The following TRPA1 variants were observed in gnomAD, a reference collection of about 807,000 sequenced individuals.
TRPA1 encodes the protein ankyrin-like with transmembrane domains 1.
TRPA1 carries 129 observed loss-of-function variants against 131.3 expected under a neutral mutation model. The ratio of observed to expected loss-of-function variants is 0.98; its 90% CI spans 0.85 to 1.14. The LOEUF (loss-of-function observed/expected upper bound fraction) is 1.14. Among genes scored for constraint, TRPA1 ranks in the 50% most tolerant of loss-of-function variants. The pLI, the probability that TRPA1 is intolerant of heterozygous loss-of-function variation, is 0.00. For missense variants in TRPA1, 1,304 were observed against 1,354.2 expected (o/e 0.96, Z 0.58); for synonymous variants, 441 against 451.7 (o/e 0.98, Z 0.30).
chr8:72,081,783 A>G, the TRPA1 span, among the ~76,000 whole-genome samples: 1 of 151,700 alleles, frequency 6.6e-6, no homozygotes, highest in East Asian at 1.9e-4. Flanking sequence ...TTTAAAGTCT[A>G]TTTTATCTGA....
chr8:72,027,361 G>A (rs1811645719), intron 24 of TRPA1, among the ~76,000 whole-genome samples: 1 of 152,122 alleles, frequency 6.6e-6, no homozygotes, highest in Non-Finnish European at 1.5e-5. Context: ...GCACCACTGG[G>A]CTCAGGGAGC....
At chr8:72,073,653 G>A (rs1806113402) in intron 1 of TRPA1, among the ~76,000 whole-genome samples, 2 of 152,190 alleles carry the variant, frequency 1.3e-5, no homozygotes, top group South Asian at 4.1e-4. Flanking sequence ...CTACGTAGAT[G>A]ATAAATCTAA....
At chr8:72,049,025 T>C (rs1284558592) in intron 15 of TRPA1, among the ~76,000 whole-genome samples, 1 of 152,188 alleles carries the variant, frequency 6.6e-6, no homozygotes, top group African/African-American at 2.4e-5. Context: ...TAGGTATTTA[T>C]GTGTCCTTTG....
intron 4 of TRPA1, among the ~76,000 whole-genome samples, chr8:72,064,842 ATCTCCATCATCTCC>A (rs964314772): frequency 1.2e-3 from 19 of 15,352 alleles, no homozygotes; most frequent in South Asian, 3.4e-3. Context: ...GTAGACAATC[ATCTCCATCATCTCC>A]ATCATCTCCA....
At chr8:72,024,090 T>A (rs958227309) in intron 25 of TRPA1, among the ~76,000 whole-genome samples, 179 bp from the exon 26 acceptor site, 3 of 152,054 alleles carry the variant, frequency 2.0e-5, no homozygotes, top group Non-Finnish European at 2.9e-5. Context: ...TGAAAGGAAG[T>A]CATACATATA....
rs1480646503 is a variant in TRPA1 at position 72,071,873 on chromosome 8, G to C, written c.112-6C>G. 6.2e-7 allele frequency: 1 copy of C among 1,610,710 alleles called. No individual in the cohort carries two copies. Among genetic ancestry groups the C allele is most frequent in the Non-Finnish European group, 8.5e-7 (1 of 1,179,474 alleles). ...GCACTTCCTTCAAAAACCACCTAGA[G>C]GTATTTAAACACCATTATACCAAAC... On this transcript the variant is annotated splice_region_variant and splice_polypyrimidine_tract_variant and intron_variant, in intron 1 of 26. Transcript: ENST00000262209.
In TRPA1 at chr8:72,035,020, T is replaced by A. The variant is rs13282402; in HGVS notation, c.2556-643A>T. ...AGAGACTGAGTTTGTGAACTGGAAGTCACCTAATGCAGGGCACACACTACA... is the reference window on the plus strand; with the variant it reads ...AGAGACTGAGTTTGTGAACTGGAAGACACCTAATGCAGGGCACACACTACA... On this transcript the variant is annotated intron_variant, in intron 21 of 26. Transcript: ENST00000262209. Among the ~76,000 whole-genome samples, 682 of 152,124 alleles carry A rather than the reference T, an allele frequency of 4.5e-3. 6 individuals are homozygous for A. Among genetic ancestry groups the A allele is most frequent in the African/African-American group, 0.015 (630 of 41,488 alleles).
At chr8:72,057,843 A>C in intron 8 of TRPA1, 27 bp from the exon 9 acceptor site, 4 of 1,506,262 alleles carry the variant, frequency 2.7e-6, no homozygotes, top group South Asian at 2.3e-5. Flanking sequence ...CCATTCAACA[A>C]AGAGCTTAGA....
chr8:72,081,131 G>T, the TRPA1 span, among the ~76,000 whole-genome samples: 1 of 151,026 alleles, frequency 6.6e-6, no homozygotes, highest in African/African-American at 2.4e-5. Flanking sequence ...TGTTGATTTT[G>T]GATCTTTCTT....
In TRPA1 at chr8:72,075,515, C is replaced by G. The variant is rs1806160076; in HGVS notation, c.-106G>C. ...CCAGGCGCTGGGGTCCGCGCGAGCC[C>G]GAGCTCTCCCGCGCTGCAGCTCACA... On this transcript the variant is annotated 5_prime_UTR_variant, in exon 1 of 27. Coordinates refer to ENST00000262209, the MANE Select transcript of TRPA1 (RefSeq NM_007332.3). 1.1e-6 allele frequency: 1 copy of G among 898,654 alleles called. No homozygotes were observed. The highest frequency in any genetic ancestry group is 1.8e-6 in the Non-Finnish European group (1 of 550,406). The allele number at this position is 898,654 out of a possible 1,614,324, so 55.7% of individuals were successfully genotyped here.
intron 3 of TRPA1, 78 bp downstream of exon 3, chr8:72,068,945 G>A: frequency 2.7e-6 from 4 of 1,482,932 alleles, no homozygotes; most frequent in South Asian, 1.1e-5. Flanking sequence ...TCATCCTGGT[G>A]CAAGCAGAGA....
intron 17 of TRPA1, among the ~76,000 whole-genome samples, chr8:72,045,875 CTTTTTAAAAGGTTT>C (rs1812412680): frequency 6.6e-6 from 1 of 151,922 alleles, no homozygotes; most frequent in South Asian, 2.1e-4. Flanking sequence ...ATAATAGCTA[CTTTTTAAAAGGTTT>C]CTTGGGAAAT....
chr8:72,036,602 C>A (rs756753728), intron 20 of TRPA1, 145 bp from the exon 21 acceptor site: 4 of 721,070 alleles, frequency 5.5e-6, no homozygotes, highest in Non-Finnish European at 9.3e-6. Context: ...CTCACGCCAT[C>A]CTGGATTGAC....
At chr8:72,026,185 G>A in intron 24 of TRPA1, 112 bp from the exon 25 acceptor site, 1 of 842,640 alleles carries the variant, frequency 1.2e-6, no homozygotes, top group South Asian at 1.5e-5. Flanking sequence ...TCTATGTCCT[G>A]ACTTCTGTGC....
intron 3 of TRPA1, 68 bp downstream of exon 3, chr8:72,068,955 A>C: frequency 6.6e-7 from 1 of 1,524,622 alleles, no homozygotes; most frequent in Non-Finnish European, 9.1e-7. Context: ...GCAAGCAGAG[A>C]GAGCTGGATC....
chr8:72,050,166 T>A (rs910100695), intron 15 of TRPA1, among the ~76,000 whole-genome samples: 2 of 152,144 alleles, frequency 1.3e-5, no homozygotes, highest in African/African-American at 4.8e-5. Flanking sequence ...ATTGTTCAAT[T>A]CCCACCTATG....
intron 23 of TRPA1, among the ~76,000 whole-genome samples, chr8:72,032,705 TTA>T (rs1419115250): frequency 1.3e-5 from 2 of 152,220 alleles, no homozygotes; most frequent in African/African-American, 4.8e-5. Flanking sequence ...AATGTGGGCT[TTA>T]TGTCATTCTC....
At position 72,055,556 on chromosome 8, in the gene TRPA1, C is replaced by T. The variant is rs765084088; in HGVS notation, c.1409G>A (p.Ser470Asn). Residue 470 changes from serine (S) to asparagine (N), a missense_variant, in exon 12 of 27, where the codon AGT becomes AAT. Ser to Asn is a conservative substitution (Grantham distance 46, BLOSUM62 1). Transcript: ENST00000262209. ...ACCTTCATTCAGAAGCCTCGTATCA[C>T]TTATGTCTTGTAGGAGCCTCTGACA... ...NTCQRLLQDI[S>N]DTRLLNEGDL... 6.8e-6 allele frequency: 11 copies of T among 1,613,644 alleles called. No homozygotes were observed. Among genetic ancestry groups the T allele is most frequent in the South Asian group, 1.1e-5 (1 of 91,066 alleles).
At chr8:72,072,690 T>C (rs1806092091) in intron 1 of TRPA1, among the ~76,000 whole-genome samples, 1 of 152,202 alleles carries the variant, frequency 6.6e-6, no homozygotes. Context: ...GGCCTAAATC[T>C]ATTTGGAAGC....
Sources: allele counts gnomAD v4.1 joint callset (sites outside exome capture counted in the v4.1 genomes callset), GRCh38; gene constraint gnomAD v4.1.1; transcripts MANE v1.5; gene names NCBI Gene and HGNC (gene_info 2026-07-23, HGNC 2026-07-21).